The following DPH6 variants were observed in gnomAD, a reference collection of about 807,000 sequenced individuals.
DPH6 encodes diphthine--ammonia ligase.
Under a neutral mutation model 38.2 loss-of-function variants are expected in DPH6, and 33 were observed. The ratio of observed to expected loss-of-function variants is 0.86; its 90% CI spans 0.65 to 1.15. The LOEUF is 1.15. Ranked by LOEUF, DPH6 falls within the 50% of genes most tolerant of loss-of-function variation. DPH6 has a pLI of 0.00. For synonymous variants in DPH6, 108 were observed against 103.0 expected (o/e 1.05, Z -0.30); for missense variants, 325 against 320.0 (o/e 1.02, Z -0.12).
intron 6 of DPH6, among the ~76,000 whole-genome samples, chr15:35,389,955 G>C (rs2053030136): frequency 6.6e-6 from 1 of 152,130 alleles, no homozygotes; most frequent in East Asian, 1.9e-4. Context: ...TTTACAATTT[G>C]TCATGTTTTT....
intron 5 of DPH6, among the ~76,000 whole-genome samples, chr15:35,445,156 A>C (rs1370227448): frequency 1.6e-4 from 25 of 152,148 alleles, no homozygotes; most frequent in Admixed American, 1.6e-3. Flanking sequence ...TTACATCCAA[A>C]TCCATCTCCC....
downstream of DPH6, among the ~76,000 whole-genome samples, chr15:35,326,273 A>C (rs1166828722): frequency 6.6e-6 from 1 of 152,136 alleles, no homozygotes; most frequent in African/African-American, 2.4e-5. Context: ...AAACTGTCAA[A>C]ACTGATTTCT....
intron 3 of DPH6, among the ~76,000 whole-genome samples, chr15:35,276,180 C>G (rs2051858071): frequency 6.6e-6 from 1 of 152,066 alleles, no homozygotes; most frequent in Admixed American, 6.6e-5. Flanking sequence ...TCTCCCAGAT[C>G]ATTAGTGATG....
the DPH6 span, among the ~76,000 whole-genome samples, chr15:35,185,641 G>A: frequency 6.7e-6 from 1 of 150,184 alleles, no homozygotes; most frequent in African/African-American, 2.5e-5. Context: ...ATTTTCACAC[G>A]AAAATTTTCG....
At chr15:35,401,696 C>A in intron 6 of DPH6, 1 of 736,128 alleles carries the variant, frequency 1.4e-6, no homozygotes, top group South Asian at 1.4e-5. Flanking sequence ...AATACTTTGC[C>A]AAACCACGAC....
downstream of DPH6, among the ~76,000 whole-genome samples, chr15:35,216,607 T>C (rs2051411865): frequency 6.6e-6 from 1 of 152,228 alleles, no homozygotes; most frequent in South Asian, 2.1e-4. Flanking sequence ...TAAAACTAAT[T>C]ATGGTCATTT....
chr15:35,458,699 C>A (rs1389065500), intron 3 of DPH6, among the ~76,000 whole-genome samples: 1 of 152,164 alleles, frequency 6.6e-6, no homozygotes, highest in African/African-American at 2.4e-5. Context: ...TGTGTCATAG[C>A]TGAAATAAAA....
At chr15:35,461,509 T>C (rs72705132) in intron 3 of DPH6, among the ~76,000 whole-genome samples, 14,024 of 152,274 alleles carry the variant, frequency 0.092, 763 homozygotes, top group Non-Finnish European at 0.13. Flanking sequence ...CACATGCACA[T>C]ACATGCTGTA....
intron 3 of DPH6, among the ~76,000 whole-genome samples, chr15:35,227,199 T>C (rs2051488153): frequency 7.0e-6 from 1 of 143,508 alleles, no homozygotes; most frequent in African/African-American, 2.6e-5. Context: ...TTTTTTTTTT[T>C]TTGAGATGGA....
At chr15:35,276,942 A>AT (rs1048949963) in intron 3 of DPH6, among the ~76,000 whole-genome samples, 4 of 151,234 alleles carry the variant, frequency 2.6e-5, no homozygotes, top group Non-Finnish European at 5.9e-5. Context: ...GAATTTTAGG[A>AT]TTTTTTTTCT....
chr15:35,514,241 T>TA (rs1228254123), intron 3 of DPH6, among the ~76,000 whole-genome samples: 1 of 152,110 alleles, frequency 6.6e-6, no homozygotes, highest in Non-Finnish European at 1.5e-5. Context: ...TAACATTGTT[T>TA]TATTTAAAAT....
intron 6 of DPH6, 79 bp downstream of exon 6, chr15:35,410,756 T>A: frequency 8.2e-7 from 1 of 1,217,516 alleles, no homozygotes; most frequent in Non-Finnish European, 1.1e-6. Flanking sequence ...TAAAGTAAAT[T>A]TTTTAATCAT....
intron 3 of DPH6, among the ~76,000 whole-genome samples, chr15:35,302,121 A>T (rs979504120): frequency 2.6e-5 from 4 of 152,240 alleles, no homozygotes; most frequent in Non-Finnish European, 4.4e-5. Context: ...TCATATCTAG[A>T]ACTAAGACAA....
intron 3 of DPH6, among the ~76,000 whole-genome samples, chr15:35,284,953 T>C (rs2051930642): frequency 6.6e-6 from 1 of 151,774 alleles, no homozygotes; most frequent in African/African-American, 2.4e-5. Context: ...GCTAGGACTA[T>C]AGGTGCACAC....
At chr15:35,222,128 C>T (rs1358425837) in intron 3 of DPH6, among the ~76,000 whole-genome samples, 1 of 152,194 alleles carries the variant, frequency 6.6e-6, no homozygotes, top group African/African-American at 2.4e-5. Context: ...TGAACACTTA[C>T]ATAATCTCTA....
At chr15:35,279,163 G>C (rs1311923906) in intron 3 of DPH6, among the ~76,000 whole-genome samples, 1 of 151,072 alleles carries the variant, frequency 6.6e-6, no homozygotes, top group Non-Finnish European at 1.5e-5. Flanking sequence ...TTTTTTTGGG[G>C]TGATTTCTCC....
chr15:35,247,970 G>A (rs1214918770), intron 3 of DPH6, among the ~76,000 whole-genome samples: 1 of 152,174 alleles, frequency 6.6e-6, no homozygotes, highest in African/African-American at 2.4e-5. Context: ...TTAAAAGGGG[G>A]AAATGTGTGG....
At chr15:35,221,772 C>T (rs1426110269) in intron 3 of DPH6, among the ~76,000 whole-genome samples, 1 of 152,144 alleles carries the variant, frequency 6.6e-6, no homozygotes. Flanking sequence ...TTTATATGGC[C>T]AGGTGTCAAT....
rs1383348647 is a variant in DPH6, at chr15:35,520,382, G to A, written c.312+17892C>T. 2.2e-5 allele frequency: 22 copies of A among 983,072 alleles called. No homozygotes were observed. The East Asian group carries it at 4.5e-4, about 20-fold the overall frequency. The allele number at this position is 983,072 out of a possible 1,614,324, so 60.9% of individuals were successfully genotyped here. A position where few individuals can be genotyped will look rare whatever the true frequency, so the allele number is the denominator to read the frequency against. ...TGCTATTATACAACAGTATCAGGAT[G>A]TAAAATAAATAAGTTACATCAAACA... is the stretch of plus-strand genomic sequence containing the variant. On this transcript the variant is annotated intron_variant, in intron 3 of 8. Transcript: ENST00000256538.
Sources: allele counts gnomAD v4.1 joint callset (sites outside exome capture counted in the v4.1 genomes callset), GRCh38; gene constraint gnomAD v4.1.1; transcripts MANE v1.5; gene names NCBI Gene and HGNC (gene_info 2026-07-23, HGNC 2026-07-21).